GPC6: variants seen among roughly 807,000 people sequenced by gnomAD.
The protein encoded by GPC6 is glypican 6.
In GPC6, 14 loss-of-function variants were observed where a neutral mutation model predicts 55.2. The observed-to-expected ratio is 0.25, with a 90% CI of 0.17 to 0.40. The LOEUF is 0.40. GPC6 is among the 10% of genes least tolerant of loss of function. GPC6 has a pLI of 1.00. For missense variants in GPC6, 641 were observed against 708.5 expected (o/e 0.90, Z 1.08); for synonymous variants, 278 against 259.6 (o/e 1.07, Z -0.68).
the GPC6 span, among the ~76,000 whole-genome samples, chr13:93,220,294 C>T: frequency 1.3e-5 from 2 of 152,150 alleles, no homozygotes; most frequent in East Asian, 3.9e-4. Context: ...GCCAGATGAT[C>T]CAAAAACTAT....
chr13:93,452,906 A>G (rs1171749777), intron 1 of GPC6, among the ~76,000 whole-genome samples: 2 of 152,204 alleles, frequency 1.3e-5, no homozygotes, highest in Non-Finnish European at 2.9e-5. Context: ...CTTGCCATTT[A>G]TGTCACTGGT....
chr13:94,015,477 T>C (rs2138704569), intron 3 of GPC6, among the ~76,000 whole-genome samples: 1 of 152,332 alleles, frequency 6.6e-6, no homozygotes, highest in East Asian at 1.9e-4. Flanking sequence ...GTTATCATGT[T>C]ACTTTCCTGA....
At chr13:94,226,263 T>A (rs1254307517) in intron 4 of GPC6, among the ~76,000 whole-genome samples, 3 of 152,066 alleles carry the variant, frequency 2.0e-5, no homozygotes, top group Non-Finnish European at 4.4e-5. Context: ...ATGCAAAATG[T>A]GAGACAAAAA....
At chr13:93,439,698 ATAAAAT>A in intron 1 of GPC6, among the ~76,000 whole-genome samples, 1 of 137,888 alleles carries the variant, frequency 7.3e-6, no homozygotes, top group African/African-American at 3.0e-5. Context: ...AATAAAAAAA[ATAAAAT>A]AAAATAAAAT....
intron 3 of GPC6, among the ~76,000 whole-genome samples, chr13:93,856,401 G>C (rs974026150): frequency 6.6e-6 from 1 of 151,542 alleles, no homozygotes; most frequent in African/African-American, 2.4e-5. Flanking sequence ...CTTGTTTCAG[G>C]TGCTGTGGTA....
intron 4 of GPC6, among the ~76,000 whole-genome samples, chr13:94,164,961 A>G (rs1327498991): frequency 1.3e-5 from 2 of 152,060 alleles, no homozygotes; most frequent in African/African-American, 4.8e-5. Flanking sequence ...ATGAAAACTA[A>G]TACTAGCACT....
At chr13:93,789,637 A>ATATATATAGTATT (rs1885962356) in intron 2 of GPC6, among the ~76,000 whole-genome samples, 1 of 107,008 alleles carries the variant, frequency 9.3e-6, no homozygotes, top group African/African-American at 3.6e-5. Context: ...ATATATATAT[A>ATATATATAGTATT]TATATATAGT....
At chr13:93,800,580 G>A (rs989070693) in intron 2 of GPC6, among the ~76,000 whole-genome samples, 7 of 152,060 alleles carry the variant, frequency 4.6e-5, no homozygotes, top group Admixed American at 2.6e-4. Flanking sequence ...GTGACCTAGC[G>A]CAAACATAAA....
intron 3 of GPC6, among the ~76,000 whole-genome samples, chr13:93,978,247 C>T (rs999760725): frequency 6.6e-6 from 1 of 152,102 alleles, no homozygotes; most frequent in Non-Finnish European, 1.5e-5. Context: ...GCAGCTCTGC[C>T]GACACCTTGG....
At chr13:93,914,728 A>G (rs916066963) in intron 3 of GPC6, among the ~76,000 whole-genome samples, 13 of 152,336 alleles carry the variant, frequency 8.5e-5, no homozygotes, top group African/African-American at 3.1e-4. Context: ...GAGAGGAGGA[A>G]ATAAATGGGA....
chr13:94,186,792 T>C (rs1232414924), intron 4 of GPC6: 1 of 152,258 alleles, frequency 6.6e-6, no homozygotes, highest in Non-Finnish European at 1.5e-5. Flanking sequence ...ACCAAGCTAC[T>C]AGTAGAATTA....
Position 93,870,744 on chromosome 13 carries a change from A to G in GPC6, c.711+40199A>G, listed in dbSNP as rs1038550646. ...AACTGCGTGAACCTACATGGAGAAG[A>G]CGACAATCTACAAGTCAAACTGAGA... On this transcript the variant is annotated intron_variant, in intron 3 of 8. Transcript: ENST00000377047. Among the ~76,000 whole-genome samples the G allele has an allele frequency of 3.4e-4, 52 of 151,812 alleles. 1 individual carries two copies. Among genetic ancestry groups the G allele is most frequent in the Non-Finnish European group, 1.5e-5 (1 of 67,882 alleles).
At chr13:94,352,116 G>A (rs971626908) in intron 6 of GPC6, among the ~76,000 whole-genome samples, 16 of 151,972 alleles carry the variant, frequency 1.1e-4, no homozygotes, top group African/African-American at 2.9e-4. Context: ...ATGTGTGCTC[G>A]CCTCTGTATA....
intron 1 of GPC6, among the ~76,000 whole-genome samples, chr13:93,499,272 C>G (rs1880436029): frequency 6.6e-6 from 1 of 152,072 alleles, no homozygotes; most frequent in East Asian, 1.9e-4. Flanking sequence ...AGTTTGTTTC[C>G]ACATCTGCTT....
intron 6 of GPC6, among the ~76,000 whole-genome samples, chr13:94,353,254 C>T (rs560613418): frequency 3.3e-5 from 5 of 152,218 alleles, no homozygotes; most frequent in South Asian, 4.2e-4. Context: ...TCAAGACCAC[C>T]GACAAGCAAA....
chr13:93,930,366 G>A (rs1878104589), intron 3 of GPC6, among the ~76,000 whole-genome samples: 1 of 148,330 alleles, frequency 6.7e-6, no homozygotes, highest in African/African-American at 2.5e-5. Flanking sequence ...CTGCCTCCCA[G>A]GTTCAAGTGA....
chr13:93,319,520 G>GTT (rs796257961), intron 1 of GPC6, among the ~76,000 whole-genome samples: 15 of 152,236 alleles, frequency 9.9e-5, no homozygotes, highest in African/African-American at 3.6e-4. Flanking sequence ...GAGAGACCTT[G>GTT]TGAGAACTAA....
intron 3 of GPC6, among the ~76,000 whole-genome samples, chr13:93,944,447 G>T (rs1044752209): frequency 1.3e-5 from 2 of 151,886 alleles, no homozygotes; most frequent in African/African-American, 4.8e-5. Context: ...TTTGTGATCC[G>T]CCCGCCTCGG....
rs368785774 is a variant in GPC6 at position 94,079,606 on chromosome 13, CTA to C, written c.877+51713_877+51714del. Among the ~76,000 whole-genome samples the C allele has an allele frequency of 5.3e-5, 8 of 152,282 alleles. No individual in the cohort carries two copies. The East Asian group carries it at 1.4e-3, about 26-fold the overall frequency. On this transcript the variant is annotated intron_variant, in intron 4 of 8. Transcript: ENST00000377047. ...TTGCTTTACACTTTAATATTTCTAA[CTA>C]ATAGGACATTTCAAGTGTATGTCCC... is the stretch of plus-strand genomic sequence containing the variant.
Sources: allele counts gnomAD v4.1 joint callset (sites outside exome capture counted in the v4.1 genomes callset), GRCh38; gene constraint gnomAD v4.1.1; transcripts MANE v1.5; gene names NCBI Gene and HGNC (gene_info 2026-07-23, HGNC 2026-07-21).